Variants in BTBD7 observed in about 807,000 individuals in gnomAD.
BTBD7 encodes BTB domain containing 7, also known as BTB/POZ domain-containing protein 7.
In BTBD7, 38 loss-of-function variants were observed where a neutral mutation model predicts 99.9. That is an observed-to-expected ratio of 0.38 (90% CI 0.29 to 0.50). BTBD7 has a LOEUF of 0.50. Ranked by LOEUF, BTBD7 falls within the 20% of genes least tolerant of loss-of-function variation. The pLI is 0.93. For missense variants in BTBD7, 1,170 were observed against 1,394.6 expected (o/e 0.84, Z 2.57); for synonymous variants, 520 against 511.4 (o/e 1.02, Z -0.23).
chr14:93,238,585 A>G lies in BTBD7; in HGVS notation c.*3688T>C, dbSNP rs1423193096. 6.6e-6 allele frequency: 1 copy of G among 152,422 alleles called. No homozygotes were observed. Among genetic ancestry groups the G allele is most frequent in the African/African-American group, 2.4e-5 (1 of 41,468 alleles). 9.4% of individuals were successfully genotyped at this position (152,422 alleles called of 1,614,324 possible). ...ATTTCCCTTTGAATTCAGTCCTAAA[A>G]ATATGAATGCCTTATAATTAATTTC... On this transcript the variant is annotated 3_prime_UTR_variant, in exon 11 of 11. Transcript: ENST00000334746.
At chr14:93,314,800 C>T (rs1253097577) in intron 1 of BTBD7, among the ~76,000 whole-genome samples, 1 of 152,160 alleles carries the variant, frequency 6.6e-6, no homozygotes, top group Non-Finnish European at 1.5e-5. Flanking sequence ...GGACATTATT[C>T]ATCTTTGCAA....
In BTBD7 at chr14:93,242,015, T is replaced by C. The variant is rs1260480542; in HGVS notation, c.*258A>G. The C allele has an allele frequency of 1.1e-5, 5 of 473,606 alleles. No homozygotes were observed. Among genetic ancestry groups the C allele is most frequent in the Non-Finnish European group, 1.8e-5 (5 of 270,324 alleles). 29.3% of individuals were successfully genotyped at this position (473,606 alleles called of 1,614,324 possible). On this transcript the variant is annotated 3_prime_UTR_variant, in exon 11 of 11. Coordinates refer to ENST00000334746, the MANE Select transcript of BTBD7 (RefSeq NM_001002860.4). ...ATCATTTGTAAAGAGAAATAAAAAG[T>C]GCCAGCCTGCTTGTTCTTAAAAATG...
chr14:93,291,721 G>C (rs1169401156), intron 3 of BTBD7, among the ~76,000 whole-genome samples: 4 of 148,316 alleles, frequency 2.7e-5, no homozygotes, highest in Non-Finnish European at 5.9e-5. Context: ...AACCAGATTA[G>C]ACAATGCAAA....
chr14:93,287,687 C>T (rs1026670739), intron 3 of BTBD7: 5 of 152,174 alleles, frequency 3.3e-5, no homozygotes, highest in African/African-American at 1.2e-4. Context: ...TCTTCCGAGA[C>T]ACCTCTTTCC....
chr14:93,315,897 G>A lies in BTBD7; in HGVS notation c.-107+16923C>T, dbSNP rs1266311456. On this transcript the variant is annotated intron_variant, in intron 1 of 10. Transcript: ENST00000334746. ...GCTGTTACAAACATTTGTACAAGTTGTGTAGACATGTACTTCCACTTCTCT... is the reference window on the plus strand; with the variant it reads ...GCTGTTACAAACATTTGTACAAGTTATGTAGACATGTACTTCCACTTCTCT... Among the ~76,000 whole-genome samples the A allele has an allele frequency of 3.3e-5, 5 of 151,094 alleles. No individual in the cohort carries two copies. In the South Asian group the frequency reaches 8.4e-4, roughly 25 times the overall value.
intron 7 of BTBD7, among the ~76,000 whole-genome samples, chr14:93,253,079 A>C (rs777190387): frequency 2.0e-5 from 3 of 152,162 alleles, no homozygotes; most frequent in Non-Finnish European, 2.9e-5. Flanking sequence ...ACATCTAATA[A>C]AAATTAGATG....
intron 1 of BTBD7, among the ~76,000 whole-genome samples, chr14:93,327,839 T>C (rs768906442): frequency 1.3e-5 from 2 of 152,136 alleles, no homozygotes; most frequent in South Asian, 2.1e-4. Context: ...AATTAACTGT[T>C]TGCAAATGAC....
At chr14:93,265,534 G>A (rs1355882425) in intron 3 of BTBD7, among the ~76,000 whole-genome samples, 1 of 152,264 alleles carries the variant, frequency 6.6e-6, no homozygotes, top group Admixed American at 6.5e-5. Flanking sequence ...AGAGACAGGG[G>A]ATGGGATGAC....
In BTBD7 at chr14:93,245,819, A is replaced by G; in HGVS notation, c.2583+6T>C. Reference sequence around the variant, plus strand: ...TTTGAAGCAAGTTACTGAAGTGTTGACTTACCACTTGCTTCTCAGATGCTG... The same window carrying G: ...TTTGAAGCAAGTTACTGAAGTGTTGGCTTACCACTTGCTTCTCAGATGCTG... On this transcript the variant is annotated splice_donor_region_variant and intron_variant, in intron 10 of 10. Transcript: ENST00000334746. 1.2e-6 allele frequency: 2 copies of G among 1,609,686 alleles called. No individual in the cohort carries two copies. The highest frequency in any genetic ancestry group is 1.7e-6 in the Non-Finnish European group (2 of 1,178,070).
At chr14:93,259,447 G>A (rs2052464926) in intron 5 of BTBD7, among the ~76,000 whole-genome samples, 1 of 152,222 alleles carries the variant, frequency 6.6e-6, no homozygotes, top group South Asian at 2.1e-4. Flanking sequence ...TCTGAAACAA[G>A]AAGGCAGAGT....
At chr14:93,300,509 G>A (rs144969116) in intron 1 of BTBD7, among the ~76,000 whole-genome samples, 1,804 of 151,924 alleles carry the variant, frequency 0.012, 38 homozygotes, top group African/African-American at 0.041. Context: ...GCCCACCTCA[G>A]CCTCCCAAAG....
At chr14:93,328,603 A>C (rs1353366678) in intron 1 of BTBD7, among the ~76,000 whole-genome samples, 2 of 143,176 alleles carry the variant, frequency 1.4e-5, no homozygotes, top group African/African-American at 5.3e-5. Flanking sequence ...CAGAACTATA[A>C]AATTCTTTAA....
intron 3 of BTBD7, among the ~76,000 whole-genome samples, chr14:93,271,296 C>T (rs1397152418): frequency 3.3e-5 from 5 of 152,062 alleles, no homozygotes; most frequent in African/African-American, 9.7e-5. Context: ...GAAACTTTTC[C>T]GCTGGCTCAT....
rs4297620 is a variant in BTBD7 at position 93,273,065 on chromosome 14, G to C, written c.1163-9072C>G. On this transcript the variant is annotated intron_variant, in intron 3 of 10. Coordinates refer to ENST00000334746, the MANE Select transcript of BTBD7 (RefSeq NM_001002860.4). ...AACAGAAATGGCCCTAGAAAACAAG[G>C]TTCTTGAATGAGATTCTAGATCTAC... 3.9e-5 allele frequency among the ~76,000 whole-genome samples: 6 copies of C among 152,294 alleles called. No homozygotes were observed. The East Asian group carries it at 1.2e-3, about 29-fold the overall frequency.
At chr14:93,247,589 G>A (rs965227023) in intron 9 of BTBD7, among the ~76,000 whole-genome samples, 3 of 152,110 alleles carry the variant, frequency 2.0e-5, no homozygotes, top group Non-Finnish European at 4.4e-5. Flanking sequence ...CAAGTGATCC[G>A]CCCACCTTGG....
Position 93,257,359 on chromosome 14 carries a change from T to C in BTBD7, c.1448-4A>G, listed in dbSNP as rs1328736637. On this transcript the variant is annotated splice_region_variant and splice_polypyrimidine_tract_variant and intron_variant, in intron 5 of 10. Coordinates refer to ENST00000334746, the MANE Select transcript of BTBD7 (RefSeq NM_001002860.4). ...GTGCCACTCAGTAAGTTTGGCTCTA[T>C]GAGACAGAAAATGAAAAGTTTCCAA... The C allele has an allele frequency of 6.3e-7, 1 of 1,589,032 alleles. No homozygotes were observed. Among genetic ancestry groups the C allele is most frequent in the South Asian group, 1.2e-5 (1 of 86,412 alleles).
chr14:93,317,924 GACA>G (rs1050964863), intron 1 of BTBD7, among the ~76,000 whole-genome samples: 2 of 152,360 alleles, frequency 1.3e-5, no homozygotes, highest in Admixed American at 6.5e-5. Flanking sequence ...TTCCCTGGAA[GACA>G]ACATTTCACA....
Position 93,242,516 on chromosome 14 carries a change from G to C in BTBD7, c.3156C>G (p.Ala1052=). Residue 1052 remains alanine (A), a synonymous_variant, in exon 11 of 11, where the codon GCC becomes GCG. Transcript: ENST00000334746. ...CTACTGCAGTTCGTCCCCTGACATGGGCTGGACCGGTACTAGCATTTTCTG... is the reference window on the plus strand; with the variant it reads ...CTACTGCAGTTCGTCCCCTGACATGCGCTGGACCGGTACTAGCATTTTCTG... ...AAPENASTGP[A]HVRGRTAVET... is the part of the protein sequence containing the mutation. The C allele has an allele frequency of 6.2e-7, 1 of 1,614,232 alleles. No individual in the cohort carries two copies. The highest frequency in any genetic ancestry group is 8.5e-7 in the Non-Finnish European group (1 of 1,180,040).
Position 93,239,625 on chromosome 14 carries a change from C to T in BTBD7, c.*2648G>A, listed in dbSNP as rs957169878. 1 of 152,526 alleles carries T rather than the reference C, an allele frequency of 6.6e-6. No individual in the cohort carries two copies. The highest frequency in any genetic ancestry group is 1.5e-5 in the Non-Finnish European group (1 of 68,034). 9.4% of individuals were successfully genotyped at this position (152,526 alleles called of 1,614,324 possible). A position where few individuals can be genotyped will look rare whatever the true frequency, so the allele number is the denominator to read the frequency against. On this transcript the variant is annotated 3_prime_UTR_variant, in exon 11 of 11. Coordinates refer to ENST00000334746, the MANE Select transcript of BTBD7 (RefSeq NM_001002860.4). The stretch of plus-strand genomic sequence containing the variant: ...GTCCACTAACACCTAACCTAACGCA[C>T]ACAAAACCCACGCCTGTTTACCTTC...
Sources: allele counts gnomAD v4.1 joint callset (sites outside exome capture counted in the v4.1 genomes callset), GRCh38; gene constraint gnomAD v4.1.1; transcripts MANE v1.5; gene names NCBI Gene and HGNC (gene_info 2026-07-23, HGNC 2026-07-21).